The following SAMD12 variants were observed in gnomAD, a reference collection of about 807,000 sequenced individuals.
The protein encoded by SAMD12 is sterile alpha motif domain containing 12.
In SAMD12, 9 loss-of-function variants were observed where a neutral mutation model predicts 15.0. The ratio of observed to expected loss-of-function variants is 0.60; its 90% CI spans 0.36 to 1.05. SAMD12 has a LOEUF of 1.05. Ranked by LOEUF, SAMD12 falls within the 50% of genes least tolerant of loss-of-function variation. The pLI is 0.01. For missense variants in SAMD12, 230 were observed against 234.2 expected, an observed-to-expected ratio of 0.98 and a Z score of 0.12; for synonymous variants, 86 against 90.1, an observed-to-expected ratio of 0.96 and a Z score of 0.25.
intron 1 of SAMD12, among the ~76,000 whole-genome samples, chr8:118,583,631 G>A (rs780812651): frequency 7.2e-5 from 11 of 151,902 alleles, no homozygotes; most frequent in Non-Finnish European, 1.2e-4. Flanking sequence ...CTCTGATCAC[G>A]GTGGTCCCAC....
At position 118,531,886 on chromosome 8, in the gene SAMD12, G is replaced by A. The variant is rs190366817; in HGVS notation, c.192+48829C>T. 6.4e-4 allele frequency among the ~76,000 whole-genome samples: 98 copies of A among 152,232 alleles called. 3 individuals are homozygous for A. In the East Asian group the frequency reaches 0.016, roughly 26 times the overall value. On this transcript the variant is annotated intron_variant, in intron 2 of 3. Transcript: ENST00000314727. ...TGTCAACTGCAAACAGGGACAATTC[G>A]ACTTCCTCTTTTCCTAATTGAATAC...
intron 4 of SAMD12, among the ~76,000 whole-genome samples, chr8:118,255,428 T>C (rs936471339): frequency 1.3e-5 from 2 of 151,908 alleles, no homozygotes; most frequent in Non-Finnish European, 2.9e-5. Flanking sequence ...TATGTATACA[T>C]GTGCCACGCT....
intron 4 of SAMD12, among the ~76,000 whole-genome samples, chr8:118,281,275 A>G (rs1167871995): frequency 6.6e-6 from 1 of 152,228 alleles, no homozygotes; most frequent in African/African-American, 2.4e-5. Flanking sequence ...CTGAGATGCC[A>G]TGAAGTCCAG....
At chr8:118,232,254 T>G (rs918030771) in intron 4 of SAMD12, among the ~76,000 whole-genome samples, 1 of 152,052 alleles carries the variant, frequency 6.6e-6, no homozygotes, top group Non-Finnish European at 1.5e-5. Flanking sequence ...AAGCTCCCCA[T>G]AGAAACACAT....
intron 1 of SAMD12, among the ~76,000 whole-genome samples, chr8:118,600,197 T>C (rs116842743): frequency 0.016 from 2,402 of 152,150 alleles, 24 homozygotes; most frequent in Middle Eastern, 0.037. Context: ...CCCCAAATAA[T>C]TGAAGCAAGC....
the SAMD12 span, among the ~76,000 whole-genome samples, chr8:118,137,185 A>C: frequency 1.3e-5 from 2 of 152,194 alleles, no homozygotes; most frequent in Admixed American, 6.5e-5. Context: ...ACTCTATGCA[A>C]ATGAAGTAGT....
chr8:118,166,022 G>A, the SAMD12 span, among the ~76,000 whole-genome samples: 1 of 152,086 alleles, frequency 6.6e-6, no homozygotes, highest in African/African-American at 2.4e-5. Context: ...ATTTTAGCTA[G>A]AGTTCTAGCT....
At chr8:118,421,297 A>G (rs938826015) in intron 3 of SAMD12, among the ~76,000 whole-genome samples, 1 of 152,254 alleles carries the variant, frequency 6.6e-6, no homozygotes, top group African/African-American at 2.4e-5. Flanking sequence ...TTTAAATAAA[A>G]TGCATTATTC....
chr8:118,188,916 A>G (rs1234637541), downstream of SAMD12, among the ~76,000 whole-genome samples: 2 of 152,182 alleles, frequency 1.3e-5, no homozygotes, highest in East Asian at 1.9e-4. Context: ...TCTCTTGGGC[A>G]GATGTTATTT....
chr8:118,580,151 G>A (rs974029808), intron 2 of SAMD12, among the ~76,000 whole-genome samples: 2 of 152,100 alleles, frequency 1.3e-5, no homozygotes, highest in South Asian at 4.1e-4. Flanking sequence ...TTGTTACAGG[G>A]ACACAATAAG....
chr8:118,197,628 G>A (rs1463280066), exon 5 of SAMD12: 2 of 1,126,238 alleles, frequency 1.8e-6, no homozygotes, highest in African/African-American at 3.0e-5. Flanking sequence ...TCTTCTGGCA[G>A]TGCCATGGGT....
intron 2 of SAMD12, among the ~76,000 whole-genome samples, chr8:118,541,933 T>C (rs181970290): frequency 6.6e-6 from 1 of 152,308 alleles, no homozygotes; most frequent in Non-Finnish European, 1.5e-5. Flanking sequence ...GTGATTCTCC[T>C]GTAACAGTCT....
intron 4 of SAMD12, among the ~76,000 whole-genome samples, chr8:118,244,205 T>C (rs997098225): frequency 1.3e-5 from 2 of 152,150 alleles, no homozygotes; most frequent in Non-Finnish European, 2.9e-5. Context: ...CATTTAACTT[T>C]CCAAAAAACC....
intron 2 of SAMD12, among the ~76,000 whole-genome samples, chr8:118,457,385 A>C (rs1234528789): frequency 2.0e-5 from 3 of 150,660 alleles, no homozygotes; most frequent in African/African-American, 7.3e-5. Context: ...TTCATACCAC[A>C]ACACCCAGAT....
At chr8:118,233,122 T>C (rs1177355352) in intron 4 of SAMD12, among the ~76,000 whole-genome samples, 1 of 152,202 alleles carries the variant, frequency 6.6e-6, no homozygotes, top group Non-Finnish European at 1.5e-5. Context: ...CTGTGAGGAA[T>C]TCAGTGAAGT....
intron 2 of SAMD12, among the ~76,000 whole-genome samples, chr8:118,514,066 G>A (rs1330207441): frequency 6.6e-6 from 1 of 152,144 alleles, no homozygotes; most frequent in African/African-American, 2.4e-5. Context: ...AAGCATTGGG[G>A]AGGTCAGGCA....
intron 2 of SAMD12, among the ~76,000 whole-genome samples, chr8:118,522,691 A>G (rs570153425): frequency 1.3e-5 from 2 of 152,336 alleles, no homozygotes; most frequent in East Asian, 3.9e-4. Flanking sequence ...AAACAAATGT[A>G]TCATCAAGTA....
intron 2 of SAMD12, among the ~76,000 whole-genome samples, chr8:118,472,211 C>T (rs1322710869): frequency 6.6e-6 from 1 of 151,828 alleles, no homozygotes; most frequent in Non-Finnish European, 1.5e-5. Context: ...GGCGTGAACC[C>T]GGGAGGCGGA....
chr8:118,267,258 T>G (rs896494537), intron 4 of SAMD12, among the ~76,000 whole-genome samples: 1 of 152,192 alleles, frequency 6.6e-6, no homozygotes, highest in Non-Finnish European at 1.5e-5. Context: ...CTATTCATTT[T>G]GAAGAAGGTA....
Sources: allele counts gnomAD v4.1 joint callset (sites outside exome capture counted in the v4.1 genomes callset), GRCh38; gene constraint gnomAD v4.1.1; transcripts MANE v1.5; gene names NCBI Gene and HGNC (gene_info 2026-07-23, HGNC 2026-07-21).